The following OSTF1 variants were observed in gnomAD, a reference collection of about 807,000 sequenced individuals.
OSTF1 encodes the protein osteoclast stimulating factor 1.
Under a neutral mutation model 37.2 loss-of-function variants are expected in OSTF1, and 27 were observed. The ratio of observed to expected loss-of-function variants is 0.73; its 90% CI spans 0.54 to 1.00. The LOEUF (loss-of-function observed/expected upper bound fraction) is 1.00, where lower values mean the gene tolerates loss of function less well. Among genes scored for constraint, OSTF1 ranks in the 50% least tolerant of loss-of-function variants. The pLI, the probability that OSTF1 is intolerant of heterozygous loss-of-function variation, is 0.00. For missense variants in OSTF1, 232 were observed against 253.8 expected, an observed-to-expected ratio of 0.91 and a Z score of 0.58; for synonymous variants, 82 against 89.2, an observed-to-expected ratio of 0.92 and a Z score of 0.46.
chr9:75,116,799 A>G (rs566278231), intron 1 of OSTF1, among the ~76,000 whole-genome samples: 5 of 152,272 alleles, frequency 3.3e-5, no homozygotes, highest in South Asian at 4.1e-4. Flanking sequence ...ACAGAACCTA[A>G]GCACAAATAA....
At chr9:75,103,274 C>A (rs963837736) in intron 1 of OSTF1, among the ~76,000 whole-genome samples, 4 of 152,094 alleles carry the variant, frequency 2.6e-5, no homozygotes, top group African/African-American at 7.2e-5. Context: ...CAGAGCAAGA[C>A]CCTGTCACAA....
chr9:75,095,009 G>A (rs1825047666), intron 1 of OSTF1, among the ~76,000 whole-genome samples: 1 of 152,216 alleles, frequency 6.6e-6, no homozygotes, highest in Non-Finnish European at 1.5e-5. Flanking sequence ...CAGCCTGGGT[G>A]ACAGAGCGAG....
chr9:75,116,453 G>A (rs1287180640), intron 1 of OSTF1, among the ~76,000 whole-genome samples: 2 of 152,164 alleles, frequency 1.3e-5, no homozygotes, highest in African/African-American at 4.8e-5. Flanking sequence ...GCAAATCAGT[G>A]ATTATAGTCC....
At chr9:75,104,003 A>G (rs1310898220) in intron 1 of OSTF1, among the ~76,000 whole-genome samples, 1 of 152,054 alleles carries the variant, frequency 6.6e-6, no homozygotes, top group African/African-American at 2.4e-5. Flanking sequence ...CAAGGTGGGT[A>G]GATCGCTTGA....
intron 1 of OSTF1, among the ~76,000 whole-genome samples, chr9:75,090,515 C>T (rs1287480939): frequency 6.6e-6 from 1 of 152,048 alleles, no homozygotes; most frequent in Non-Finnish European, 1.5e-5. Flanking sequence ...TTATCTGGTC[C>T]TTGATTCAGG....
At chr9:75,101,765 C>G (rs918360348) in intron 1 of OSTF1, among the ~76,000 whole-genome samples, 9 of 152,114 alleles carry the variant, frequency 5.9e-5, no homozygotes, top group African/African-American at 2.2e-4. Flanking sequence ...GTTGGGTCAG[C>G]TTTGATTGAG....
intron 1 of OSTF1, among the ~76,000 whole-genome samples, chr9:75,089,131 G>A (rs1824883667): frequency 6.6e-6 from 1 of 151,978 alleles, no homozygotes; most frequent in Admixed American, 6.6e-5. Flanking sequence ...TGTCAAGTTA[G>A]GGTTCCTGAC....
At chr9:75,118,905 AGCAAAACCATATCAAGGG>A (rs1825535516) in intron 2 of OSTF1, among the ~76,000 whole-genome samples, 1 of 152,192 alleles carries the variant, frequency 6.6e-6, no homozygotes, top group Non-Finnish European at 1.5e-5. Flanking sequence ...GTGGGGACAC[AGCAAAACCATATCAAGGG>A]GAAACCTGCT....
intron 2 of OSTF1, among the ~76,000 whole-genome samples, chr9:75,117,876 C>A (rs780681831): frequency 3.9e-5 from 6 of 152,262 alleles, no homozygotes; most frequent in Non-Finnish European, 5.9e-5. Flanking sequence ...TTCCTTCATT[C>A]TCCTCTTGAC....
chr9:75,145,938 A>G (rs1318791305), intron 9 of OSTF1, among the ~76,000 whole-genome samples: 3 of 152,204 alleles, frequency 2.0e-5, no homozygotes, highest in Non-Finnish European at 4.4e-5. Context: ...TATGTATAAT[A>G]AGCTTCAGAG....
chr9:75,127,949 A>G (rs1825686575), intron 3 of OSTF1, among the ~76,000 whole-genome samples: 1 of 152,026 alleles, frequency 6.6e-6, no homozygotes, highest in Admixed American at 6.6e-5. Context: ...GTTTTCTAGG[A>G]AAGGGTGAGA....
At chr9:75,091,146 C>A (rs185173885) in intron 1 of OSTF1, among the ~76,000 whole-genome samples, 1 of 138,574 alleles carries the variant, frequency 7.2e-6, no homozygotes, top group African/African-American at 2.7e-5. Context: ...AGTGCAGTGG[C>A]GCGATCTCGG....
Position 75,130,608 on chromosome 9 carries a change from A to G in OSTF1, c.163A>G (p.Lys55Glu). The G allele has an allele frequency of 6.2e-7, 1 of 1,612,474 alleles. No individual in the cohort carries two copies. The highest frequency in any genetic ancestry group is 1.1e-5 in the South Asian group (1 of 91,024). Residue 55 changes from lysine to glutamate, a missense_variant, in exon 4 of 10, where the codon AAA becomes GAA. Physicochemically the swap from Lys to Glu is moderately conservative, Grantham distance 56 (BLOSUM62 1). Coordinates refer to ENST00000346234, the MANE Select transcript of OSTF1 (RefSeq NM_012383.5). Reference sequence around the variant, plus strand: ...TACCAATTGGTGGAAAGGCACCTCCAAAGGCAGGACTGGACTAATTCCAAG... The same window carrying G: ...TACCAATTGGTGGAAAGGCACCTCCGAAGGCAGGACTGGACTAATTCCAAG... ...SDTNWWKGTS[K>E]GRTGLIPSNY... is the part of the protein sequence containing the mutation.
In OSTF1 at chr9:75,146,684, T is replaced by C. The variant is rs1423560141; in HGVS notation, c.588T>C (p.Asp196=). The change falls in exon 10 of 10, where the codon GAT becomes GAC. Residue 196 remains aspartate, a splice_region_variant and synonymous_variant. Coordinates refer to ENST00000346234, the MANE Select transcript of OSTF1 (RefSeq NM_012383.5). ...ASLLKKKQGT[D]AVRTLSNAED... ...TTTTTTCCCTCCTCTTTCTTTCAGA[T>C]GCAGTTCGAACATTAAGCAATGCCG... 11 of 1,607,390 alleles carry C rather than the reference T, an allele frequency of 6.8e-6. No individual in the cohort carries two copies. The highest frequency in any genetic ancestry group is 3.4e-5 in the Admixed American group (2 of 59,418).
chr9:75,118,221 A>G (rs531393463), intron 2 of OSTF1, among the ~76,000 whole-genome samples: 1 of 152,334 alleles, frequency 6.6e-6, no homozygotes, highest in Non-Finnish European at 1.5e-5. Context: ...GCTGTCTTCA[A>G]TAGCATGTTC....
At position 75,141,384 on chromosome 9, in the gene OSTF1, A is replaced by T. The variant is rs1825942218; in HGVS notation, c.586+452A>T. 1.4e-5 allele frequency among the ~76,000 whole-genome samples: 2 copies of T among 146,980 alleles called. 1 individual carries two copies. The highest frequency in any genetic ancestry group is 4.4e-4 in the South Asian group (2 of 4,564). ...TCTGAAGTTTGTTTCAATATCCTTG[A>T]TCTTAATGAGAACCCCCAAAATAGG... On this transcript the variant is annotated intron_variant, in intron 9 of 9. Coordinates refer to ENST00000346234, the MANE Select transcript of OSTF1 (RefSeq NM_012383.5).
intron 1 of OSTF1, among the ~76,000 whole-genome samples, chr9:75,093,579 A>G (rs1045192943): frequency 1.8e-4 from 27 of 152,202 alleles, no homozygotes; most frequent in African/African-American, 6.0e-4. Context: ...GTGAAAATAA[A>G]TTCATGGAAC....
In OSTF1 at chr9:75,134,401, A is replaced by T. The variant is rs1587472426; in HGVS notation, c.408+6A>T. The T allele has an allele frequency of 6.7e-7, 1 of 1,497,094 alleles. No individual in the cohort carries two copies. The highest frequency in any genetic ancestry group is 9.3e-7 in the Non-Finnish European group (1 of 1,079,668). 92.7% of individuals were successfully genotyped at this position (1,497,094 alleles called of 1,614,324 possible). ...ATATTGAACTGAACCAGCAGGTAAG[A>T]CTGCTTATTTGAAAATTATTTAACA... On this transcript the variant is annotated splice_donor_region_variant and intron_variant, in intron 7 of 9. Coordinates refer to ENST00000346234, the MANE Select transcript of OSTF1 (RefSeq NM_012383.5).
chr9:75,104,307 G>A (rs569240208), intron 1 of OSTF1, among the ~76,000 whole-genome samples: 14 of 152,212 alleles, frequency 9.2e-5, no homozygotes, highest in Admixed American at 5.2e-4. Context: ...GGCTTTGGAA[G>A]GACAAGGCAA....
Sources: allele counts gnomAD v4.1 joint callset (sites outside exome capture counted in the v4.1 genomes callset), GRCh38; gene constraint gnomAD v4.1.1; transcripts MANE v1.5; gene names NCBI Gene and HGNC (gene_info 2026-07-23, HGNC 2026-07-21).